Variants in ZDHHC1 observed in about 807,000 individuals in gnomAD.
ZDHHC1 encodes palmitoyltransferase ZDHHC1.
Under a neutral mutation model 46.9 loss-of-function variants are expected in ZDHHC1, and 45 were observed. The observed-to-expected ratio is 0.96, with a 90% CI of 0.76 to 1.23. The LOEUF (loss-of-function observed/expected upper bound fraction) is 1.23. Among genes scored for constraint, ZDHHC1 ranks in the 50% most tolerant of loss-of-function variants. The pLI, the probability that ZDHHC1 is intolerant of heterozygous loss-of-function variation, is 0.00. For missense variants in ZDHHC1, 649 were observed against 670.8 expected (o/e 0.97, Z 0.36); for synonymous variants, 291 against 286.0 (o/e 1.02, Z -0.18).
chr16:67,395,394 C>T (rs2040409298), intron 9 of ZDHHC1, 90 bp downstream of exon 9: 2 of 1,534,736 alleles, frequency 1.3e-6, no homozygotes, highest in Non-Finnish European at 8.8e-7. Context: ...TGACCCATGC[C>T]CCGACCTTAG....
chr16:67,396,235 T>C (rs2040428180), intron 8 of ZDHHC1: 1 of 149,472 alleles, frequency 6.7e-6, no homozygotes. Flanking sequence ...GGCCAGGGGG[T>C]TGCAGGAGTG....
chr16:67,403,501 G>C (rs2142243043), intron 3 of ZDHHC1, among the ~76,000 whole-genome samples: 1 of 152,272 alleles, frequency 6.6e-6, no homozygotes, highest in African/African-American at 2.4e-5. Context: ...AGAGACCAGT[G>C]CCGTGGAAAC....
chr16:67,397,355 C>T (rs538056669), intron 8 of ZDHHC1, among the ~76,000 whole-genome samples: 1 of 152,232 alleles, frequency 6.6e-6, no homozygotes. Flanking sequence ...GAGCCCAGCA[C>T]TGGGGCAGGT....
intron 3 of ZDHHC1, among the ~76,000 whole-genome samples, chr16:67,402,118 A>G (rs778256701): frequency 3.3e-5 from 5 of 152,248 alleles, no homozygotes; most frequent in Non-Finnish European, 5.9e-5. Flanking sequence ...CTAATGTGCC[A>G]TAAGCATAGC....
intron 3 of ZDHHC1, among the ~76,000 whole-genome samples, chr16:67,405,939 T>C (rs2040646512): frequency 6.6e-6 from 1 of 152,212 alleles, no homozygotes; most frequent in South Asian, 2.1e-4. Context: ...GTGGTGCCTC[T>C]GTGGACAGGA....
At chr16:67,396,993 T>G (rs947129327) in intron 8 of ZDHHC1, among the ~76,000 whole-genome samples, 2 of 152,200 alleles carry the variant, frequency 1.3e-5, no homozygotes, top group East Asian at 3.9e-4. Flanking sequence ...TCGCCATGGC[T>G]GTCCAGAGGA....
intron 8 of ZDHHC1, among the ~76,000 whole-genome samples, chr16:67,397,003 A>G (rs2142224366): frequency 6.6e-6 from 1 of 152,288 alleles, no homozygotes; most frequent in East Asian, 1.9e-4. Context: ...TGTCCAGAGG[A>G]TACTGTCTCA....
intron 8 of ZDHHC1, chr16:67,395,934 T>G: frequency 8.7e-6 from 2 of 228,836 alleles, no homozygotes; most frequent in Non-Finnish European, 8.7e-6. Flanking sequence ...ACCAATTGTT[T>G]TCCCCTGGCT....
intron 4 of ZDHHC1, 74 bp downstream of exon 4, chr16:67,400,883 G>GA: frequency 6.5e-7 from 1 of 1,542,480 alleles, no homozygotes. Context: ...GGATGTCTGT[G>GA]AAGCCCTGGC....
Position 67,394,797 on chromosome 16 carries a change from GCCGAGTGGT to G in ZDHHC1, c.1253_1261del (p.Tyr418_Ala421delinsSer). The G allele has an allele frequency of 6.5e-7, 1 of 1,536,316 alleles. No homozygotes were observed. The highest frequency in any genetic ancestry group is 2.0e-5 in the Admixed American group (1 of 50,834). ...AATCTCGTCCACGGACTCTGCCGAC[GCCGAGTGGT>G]AGGCGCCGGCAGGGCCAGCGGCGTG... On this transcript the variant is annotated inframe_deletion, in exon 12 of 12. Coordinates refer to ENST00000565726, the MANE Select transcript of ZDHHC1 (RefSeq NM_001323627.2).
intron 8 of ZDHHC1, among the ~76,000 whole-genome samples, chr16:67,397,708 G>A (rs1329525541): frequency 1.3e-5 from 2 of 152,210 alleles, no homozygotes; most frequent in Admixed American, 1.3e-4. Flanking sequence ...TCAGCCACTG[G>A]CCTGGCCAGG....
chr16:67,404,687 G>A (rs921934806), intron 3 of ZDHHC1: 1 of 455,388 alleles, frequency 2.2e-6, no homozygotes, highest in African/African-American at 2.0e-5. Flanking sequence ...TGTGATCTCA[G>A]GAAGTCACAG....
chr16:67,398,449 C>T (rs936588704), intron 7 of ZDHHC1, 124 bp downstream of exon 7: 5 of 1,513,364 alleles, frequency 3.3e-6, no homozygotes, highest in African/African-American at 2.7e-5. Context: ...TCAGGTGAGA[C>T]CTGGCCACCA....
chr16:67,414,811 C>T (rs1320816197), intron 1 of ZDHHC1, among the ~76,000 whole-genome samples: 2 of 152,230 alleles, frequency 1.3e-5, no homozygotes, highest in African/African-American at 4.8e-5. Context: ...AACTGACTTC[C>T]CGGTATGTCT....
chr16:67,395,298 G>A lies in ZDHHC1; in HGVS notation c.1011-18C>T, dbSNP rs757551824. 1 of 1,514,898 alleles carries A rather than the reference G, an allele frequency of 6.6e-7. No individual in the cohort carries two copies. The highest frequency in any genetic ancestry group is 2.4e-5 in the East Asian group (1 of 41,338). 93.8% of individuals were successfully genotyped at this position (1,514,898 alleles called of 1,614,324 possible). On this transcript the variant is annotated intron_variant, in intron 9 of 11. Transcript: ENST00000565726. The stretch of plus-strand genomic sequence containing the variant: ...GGGAGGGACTGAGGGGGAAGCAGGA[G>A]GGTAAGCCTGGGGCCTGTTCCCCAA...
intron 11 of ZDHHC1, 22 bp from the exon 12 acceptor site, chr16:67,394,915 G>T (rs1017847335): frequency 7.6e-6 from 12 of 1,569,300 alleles, no homozygotes; most frequent in Non-Finnish European, 1.0e-5. Flanking sequence ...AAGGGAACAT[G>T]AGCCCAGTGG....
rs914501457 is a variant in ZDHHC1, at chr16:67,401,342, T to C, written c.253-210A>G. 6.6e-6 allele frequency among the ~76,000 whole-genome samples: 1 copy of C among 152,158 alleles called. No homozygotes were observed. The highest frequency in any genetic ancestry group is 1.5e-5 in the Non-Finnish European group (1 of 68,022). On this transcript the variant is annotated intron_variant, in intron 3 of 11. Coordinates refer to ENST00000565726, the MANE Select transcript of ZDHHC1 (RefSeq NM_001323627.2). This position sits in a 1 kb window ranked among gnomAD's most constrained non-coding sequence, Gnocchi z 4.6. ...CAAATGGAAAGAGGGAGAGGCCATCTAGGAAAGGAGTCCACAGCCAGCCAG... is the reference window on the plus strand; with the variant it reads ...CAAATGGAAAGAGGGAGAGGCCATCCAGGAAAGGAGTCCACAGCCAGCCAG...
rs528963095 is a variant in ZDHHC1, at chr16:67,407,949, C to T, written c.-38-136G>A. On this transcript the variant is annotated intron_variant, in intron 1 of 11. Coordinates refer to ENST00000565726, the MANE Select transcript of ZDHHC1 (RefSeq NM_001323627.2). Reference sequence around the variant, plus strand: ...TGCAGGGTCGTGAACCCATGCCTCCCGCAGCCCATCTCCCTCTGCCGGCTG... The same window carrying T: ...TGCAGGGTCGTGAACCCATGCCTCCTGCAGCCCATCTCCCTCTGCCGGCTG... The T allele has an allele frequency of 1.6e-5, 10 of 614,176 alleles. No individual in the cohort carries two copies. In the Middle Eastern group the frequency reaches 9.3e-4, roughly 57 times the overall value. 38.0% of individuals were successfully genotyped at this position (614,176 alleles called of 1,614,324 possible).
rs1208204579 is a variant in ZDHHC1 at position 67,394,771 on chromosome 16, G to T, written c.1288C>A (p.Pro430Thr). Residue 430 changes from proline (P) to threonine (T), a missense_variant, in exon 12 of 12, where the codon CCA becomes ACA. By Grantham distance (38) the Pro-to-Thr change is conservative. Coordinates refer to ENST00000565726, the MANE Select transcript of ZDHHC1 (RefSeq NM_001323627.2). ...SASAESVDEI[P>T]VAQTRLGSAA... ...CTGCCCAGGCGCGTCTGCGCCACTG[G>T]AATCTCGTCCACGGACTCTGCCGAC... 6.5e-7 allele frequency: 1 copy of T among 1,529,666 alleles called. No homozygotes were observed. The highest frequency in any genetic ancestry group is 8.7e-7 in the Non-Finnish European group (1 of 1,144,156). 94.8% of individuals were successfully genotyped at this position (1,529,666 alleles called of 1,614,324 possible).
Sources: gnomAD v4.1 joint callset for allele counts (sites outside exome capture counted in the v4.1 genomes callset) on GRCh38, gnomAD v4.1.1 for gene constraint, Gnocchi (gnomAD v3.1) non-coding constraint, MANE v1.5 for transcripts, NCBI Gene and HGNC (gene_info 2026-07-23, HGNC 2026-07-21) for gene names.